The following STAG1 variants were observed in gnomAD, a reference collection of about 807,000 sequenced individuals.
The protein encoded by STAG1 is STAG1 cohesin complex component.
Under a neutral mutation model 170.9 loss-of-function variants are expected in STAG1, and 26 were observed. That is an observed-to-expected ratio of 0.15 (90% CI 0.11 to 0.21). STAG1 has a LOEUF of 0.21. Among genes scored for constraint, STAG1 ranks in the 10% least tolerant of loss-of-function variants. The pLI, the probability that STAG1 is intolerant of heterozygous loss-of-function variation, is 1.00. For synonymous variants in STAG1, 514 were observed against 497.7 expected (o/e 1.03, Z -0.44); for missense variants, 964 against 1,509.5 (o/e 0.64, Z 5.99).
At chr3:136,550,896 A>AT (rs950449161) in intron 5 of STAG1, among the ~76,000 whole-genome samples, 1 of 152,120 alleles carries the variant, frequency 6.6e-6, no homozygotes, top group African/African-American at 2.4e-5. Flanking sequence ...GGGTTTATGG[A>AT]TTTTTGGAAG....
chr3:136,454,235 T>G (rs781305098), intron 13 of STAG1, among the ~76,000 whole-genome samples: 1 of 152,138 alleles, frequency 6.6e-6, no homozygotes, highest in African/African-American at 2.4e-5. Context: ...CCTGCCACCA[T>G]GCCCAGCTAA....
At chr3:136,616,389 T>C (rs984778637) in intron 3 of STAG1, among the ~76,000 whole-genome samples, 11 of 152,246 alleles carry the variant, frequency 7.2e-5, no homozygotes, top group Non-Finnish European at 1.5e-4. Flanking sequence ...CTTGGAACTG[T>C]GGTAGTCTTT....
chr3:136,449,629 G>C (rs548998222), intron 14 of STAG1, among the ~76,000 whole-genome samples: 11 of 151,558 alleles, frequency 7.3e-5, no homozygotes, highest in Non-Finnish European at 1.5e-4. Context: ...TCTGTTGTAA[G>C]ACTTTAGAAA....
chr3:136,340,943 C>G, intron 31 of STAG1, among the ~76,000 whole-genome samples: 1 of 152,166 alleles, frequency 6.6e-6, no homozygotes, highest in East Asian at 1.9e-4. Flanking sequence ...GCGTCTTGCT[C>G]TGTCGCTCAG....
rs557710467 is a variant in STAG1, at chr3:136,471,545, G to A, written c.1205+868C>T. Among the ~76,000 whole-genome samples, 253 of 152,288 alleles carry A rather than the reference G, an allele frequency of 1.7e-3. 1 individual carries two copies. The highest frequency in any genetic ancestry group is 5.1e-3 in the African/African-American group (212 of 41,558). The stretch of plus-strand genomic sequence containing the variant: ...AAATGTAAAAGGATTTCAAACAACA[G>A]TAGATCCCTGCATACATATTTAGTT... On this transcript the variant is annotated intron_variant, in intron 12 of 33. Coordinates refer to ENST00000383202, the MANE Select transcript of STAG1 (RefSeq NM_005862.3).
intron 9 of STAG1, among the ~76,000 whole-genome samples, chr3:136,489,671 T>C (rs754049915): frequency 2.6e-5 from 4 of 152,078 alleles, no homozygotes; most frequent in Non-Finnish European, 2.9e-5. Context: ...TTTTCCAAAA[T>C]AGAATAATTA....
chr3:136,343,810 A>T (rs1319035391), intron 30 of STAG1, 22 bp downstream of exon 30: 4 of 1,502,442 alleles, frequency 2.7e-6, no homozygotes, highest in Non-Finnish European at 3.6e-6. Context: ...TTTTGTGAAA[A>T]AGACAAATTT....
intron 4 of STAG1, among the ~76,000 whole-genome samples, chr3:136,600,455 T>C (rs373941093): frequency 3.9e-5 from 6 of 152,372 alleles, no homozygotes; most frequent in African/African-American, 1.4e-4. Context: ...TTCATCACTT[T>C]GTAGTTTTCT....
intron 5 of STAG1, among the ~76,000 whole-genome samples, chr3:136,544,074 T>A (rs1195543690): frequency 6.6e-6 from 1 of 152,118 alleles, no homozygotes; most frequent in African/African-American, 2.4e-5. Context: ...GGTTTTCCCA[T>A]CACCTAGACC....
At chr3:136,628,611 T>C (rs1289363588) in intron 2 of STAG1, among the ~76,000 whole-genome samples, 3 of 152,222 alleles carry the variant, frequency 2.0e-5, no homozygotes, top group Non-Finnish European at 4.4e-5. Context: ...TGTCTCTTCC[T>C]TAGAAAAGTA....
At chr3:136,516,850 C>T (rs945754415) in intron 7 of STAG1, among the ~76,000 whole-genome samples, 6 of 152,098 alleles carry the variant, frequency 3.9e-5, no homozygotes, top group African/African-American at 1.2e-4. Flanking sequence ...AGGACTTGTC[C>T]AAGGTTATCC....
intron 1 of STAG1, among the ~76,000 whole-genome samples, chr3:136,706,800 C>T (rs966687375): frequency 6.6e-6 from 1 of 152,084 alleles, no homozygotes; most frequent in Non-Finnish European, 1.5e-5. Context: ...TAAAACTTTC[C>T]AATTTCAAAT....
chr3:136,374,122 T>G (rs1937489755), intron 23 of STAG1, among the ~76,000 whole-genome samples: 1 of 152,124 alleles, frequency 6.6e-6, no homozygotes, highest in South Asian at 2.1e-4. Context: ...TTTTGATCTT[T>G]GTTGGTTTAA....
intron 1 of STAG1, chr3:136,736,473 G>A (rs1934339603): frequency 7.6e-7 from 1 of 1,307,204 alleles, no homozygotes; most frequent in Non-Finnish European, 1.1e-6. Context: ...GGAAGGTTCT[G>A]TGCCTGTGAC....
At chr3:136,649,909 A>G (rs981245877) in intron 1 of STAG1, among the ~76,000 whole-genome samples, 4 of 152,018 alleles carry the variant, frequency 2.6e-5, no homozygotes, top group African/African-American at 7.2e-5. Flanking sequence ...CTGGGACTAC[A>G]GGCACATGCC....
In STAG1 at chr3:136,421,173, A is replaced by C; in HGVS notation, c.2038-10T>G. The C allele has an allele frequency of 1.3e-6, 2 of 1,593,202 alleles. No individual in the cohort carries two copies. The highest frequency in any genetic ancestry group is 1.7e-6 in the Non-Finnish European group (2 of 1,166,094). On this transcript the variant is annotated splice_polypyrimidine_tract_variant and intron_variant, in intron 19 of 33. Coordinates refer to ENST00000383202, the MANE Select transcript of STAG1 (RefSeq NM_005862.3). ...CATCAGCTTCTTCTCCCTATAAAAA[A>C]AGGAAACATCACATCATTACAACTT...
At chr3:136,369,818 C>T (rs970433511) in intron 23 of STAG1, among the ~76,000 whole-genome samples, 2 of 152,134 alleles carry the variant, frequency 1.3e-5, no homozygotes, top group Admixed American at 1.3e-4. Flanking sequence ...ACTGCATATA[C>T]ATGATGGTGG....
chr3:136,534,284 T>C (rs1311813975), intron 6 of STAG1, among the ~76,000 whole-genome samples: 2 of 152,138 alleles, frequency 1.3e-5, no homozygotes, highest in African/African-American at 2.4e-5. Flanking sequence ...CTGTAAGACC[T>C]GAACCTATAA....
At chr3:136,416,981 G>GGACT (rs887202380) in intron 21 of STAG1, among the ~76,000 whole-genome samples, 3 of 151,720 alleles carry the variant, frequency 2.0e-5, no homozygotes, top group African/African-American at 7.3e-5. Flanking sequence ...AAGTAGCTGG[G>GGACT]GACTACAGGC....
Sources: allele counts gnomAD v4.1 joint callset (sites outside exome capture counted in the v4.1 genomes callset), GRCh38; gene constraint gnomAD v4.1.1; transcripts MANE v1.5; gene names NCBI Gene and HGNC (gene_info 2026-07-23, HGNC 2026-07-21).